LCLAT1: variants seen among roughly 807,000 people sequenced by gnomAD.
LCLAT1 encodes the protein lysocardiolipin acyltransferase 1, also known as 1-AGP acyltransferase 8.
LCLAT1 carries 11 observed loss-of-function variants against 30.7 expected under a neutral mutation model. The observed-to-expected ratio is 0.36, with a 90% CI of 0.23 to 0.59. The LOEUF is 0.59. Among genes scored for constraint, LCLAT1 ranks in the 20% least tolerant of loss-of-function variants. LCLAT1 has a pLI of 0.77. For synonymous variants in LCLAT1, 155 were observed against 151.3 expected (o/e 1.02, Z -0.18); for missense variants, 402 against 458.6 (o/e 0.88, Z 1.13).
intron 1 of LCLAT1, among the ~76,000 whole-genome samples, chr2:30,474,683 C>CT (rs1340960960): frequency 3.8e-4 from 57 of 148,546 alleles, no homozygotes; most frequent in African/African-American, 1.4e-3. Flanking sequence ...GGGCCTCACT[C>CT]TATCACCCAG....
At chr2:30,580,231 G>A (rs1313204356) in intron 5 of LCLAT1, among the ~76,000 whole-genome samples, 2 of 152,114 alleles carry the variant, frequency 1.3e-5, no homozygotes, top group African/African-American at 2.4e-5. Flanking sequence ...GTAAATGGTC[G>A]TAATTTTATA....
chr2:30,626,661 A>G (rs1419865602), intron 5 of LCLAT1, among the ~76,000 whole-genome samples: 1 of 151,302 alleles, frequency 6.6e-6, no homozygotes, highest in Non-Finnish European at 1.5e-5. Flanking sequence ...ATCTTTAGTA[A>G]TTTTCTCTTT....
At chr2:30,593,734 C>A (rs1328329710) in intron 5 of LCLAT1, among the ~76,000 whole-genome samples, 1 of 151,868 alleles carries the variant, frequency 6.6e-6, no homozygotes, top group Non-Finnish European at 1.5e-5. Flanking sequence ...TCTAATTAAT[C>A]CATTTAAAGA....
At chr2:30,635,398 C>G (rs1668974732) in intron 5 of LCLAT1, among the ~76,000 whole-genome samples, 1 of 152,104 alleles carries the variant, frequency 6.6e-6, no homozygotes, top group African/African-American at 2.4e-5. Context: ...CAGCACTGCT[C>G]AAGGAAATGA....
At chr2:30,619,529 C>G (rs905781601) in intron 5 of LCLAT1, among the ~76,000 whole-genome samples, 4 of 152,170 alleles carry the variant, frequency 2.6e-5, no homozygotes, top group African/African-American at 2.4e-5. Flanking sequence ...AAAAAAGATA[C>G]TTTACTCATG....
intron 3 of LCLAT1, among the ~76,000 whole-genome samples, chr2:30,537,102 C>A (rs1423503816): frequency 3.9e-5 from 6 of 152,184 alleles, no homozygotes; most frequent in Non-Finnish European, 7.3e-5. Context: ...TTCAAGTTGG[C>A]CGGGCGCGGT....
chr2:30,625,132 A>G (rs191189883), intron 5 of LCLAT1, among the ~76,000 whole-genome samples: 4 of 152,316 alleles, frequency 2.6e-5, no homozygotes, highest in East Asian at 1.9e-4. Flanking sequence ...TTAAATGCCT[A>G]TATCAAAAAG....
chr2:30,585,419 T>C (rs1666390707), intron 5 of LCLAT1, among the ~76,000 whole-genome samples: 1 of 152,162 alleles, frequency 6.6e-6, no homozygotes, highest in Non-Finnish European at 1.5e-5. Flanking sequence ...AGCACCTGGC[T>C]CAGTCTTCCA....
At position 30,642,337 on chromosome 2, in the gene LCLAT1, C is replaced by G. The variant is rs1433912320; in HGVS notation, c.*1718C>G. The G allele has an allele frequency of 6.6e-6, 1 of 152,108 alleles. No homozygotes were observed. The highest frequency in any genetic ancestry group is 6.6e-5 in the Admixed American group (1 of 15,258). The allele number at this position is 152,108 out of a possible 1,614,324, so 9.4% of individuals were successfully genotyped here. ...GGAGCAACTAACTAGTTATTATGCACATCTGCTCCAGACCCAGCTCTTTAA... is the reference window on the plus strand; with the variant it reads ...GGAGCAACTAACTAGTTATTATGCAGATCTGCTCCAGACCCAGCTCTTTAA... On this transcript the variant is annotated 3_prime_UTR_variant, in exon 6 of 6. Coordinates refer to ENST00000379509, the MANE Select transcript of LCLAT1 (RefSeq NM_001002257.3).
At chr2:30,449,570 G>A (rs1333575414) in intron 1 of LCLAT1, among the ~76,000 whole-genome samples, 1 of 150,796 alleles carries the variant, frequency 6.6e-6, no homozygotes, top group Non-Finnish European at 1.5e-5. Flanking sequence ...GCACGATCTC[G>A]GCTCACCACA....
At chr2:30,600,901 C>G (rs1035557154) in intron 5 of LCLAT1, among the ~76,000 whole-genome samples, 2 of 152,150 alleles carry the variant, frequency 1.3e-5, no homozygotes, top group Admixed American at 6.6e-5. Context: ...TCCATTCTCC[C>G]TGTCTCTTTC....
intron 5 of LCLAT1, among the ~76,000 whole-genome samples, chr2:30,623,475 A>C (rs1042692193): frequency 6.6e-6 from 1 of 152,184 alleles, no homozygotes; most frequent in African/African-American, 2.4e-5. Flanking sequence ...TACACTGGAA[A>C]GTCTCAGCAA....
chr2:30,455,189 T>TA (rs1410127824), intron 1 of LCLAT1, among the ~76,000 whole-genome samples: 2 of 152,188 alleles, frequency 1.3e-5, no homozygotes, highest in African/African-American at 4.8e-5. Context: ...TTAGGAGTGT[T>TA]ACGTTCTCAT....
At chr2:30,572,631 T>C (rs1665832037) in intron 5 of LCLAT1, among the ~76,000 whole-genome samples, 1 of 152,192 alleles carries the variant, frequency 6.6e-6, no homozygotes, top group Non-Finnish European at 1.5e-5. Context: ...TCAAGTCTTT[T>C]TGATTCCAGT....
chr2:30,471,066 C>G (rs998108791), intron 1 of LCLAT1, among the ~76,000 whole-genome samples: 1 of 151,234 alleles, frequency 6.6e-6, no homozygotes, highest in Non-Finnish European at 1.5e-5. Context: ...GCGCCCACCA[C>G]CACGCCTGGC....
chr2:30,515,919 G>A (rs769561943), intron 1 of LCLAT1, among the ~76,000 whole-genome samples: 4 of 152,136 alleles, frequency 2.6e-5, no homozygotes, highest in Admixed American at 2.0e-4. Context: ...GTTTTGGTGT[G>A]CTATACATTA....
At chr2:30,602,115 A>C (rs1667221144) in intron 5 of LCLAT1, among the ~76,000 whole-genome samples, 1 of 152,108 alleles carries the variant, frequency 6.6e-6, no homozygotes, top group Admixed American at 6.6e-5. Flanking sequence ...GGCAGGCAAT[A>C]GTTAGATTTA....
rs540051049 is a variant in LCLAT1 at position 30,545,857 on chromosome 2, A to G, written c.364+12543A>G. Among the ~76,000 whole-genome samples, 27 of 152,298 alleles carry G rather than the reference A, an allele frequency of 1.8e-4. No individual in the cohort carries two copies. In the South Asian group the frequency reaches 5.6e-3, roughly 32 times the overall value. Reference sequence around the variant, plus strand: ...GGCTTCTTGGTTTCTCTGGATCATTAATCACTGTAGAGTGAGAAAAGAGTT... The same window carrying G: ...GGCTTCTTGGTTTCTCTGGATCATTGATCACTGTAGAGTGAGAAAAGAGTT... On this transcript the variant is annotated intron_variant, in intron 3 of 5. Coordinates refer to ENST00000379509, the MANE Select transcript of LCLAT1 (RefSeq NM_001002257.3).
At chr2:30,537,321 C>T (rs1259084763) in intron 3 of LCLAT1, among the ~76,000 whole-genome samples, 1 of 150,610 alleles carries the variant, frequency 6.6e-6, no homozygotes, top group Non-Finnish European at 1.5e-5. Flanking sequence ...GCGGAGCTTG[C>T]AGTGAGCCGA....
Sources: allele counts gnomAD v4.1 joint callset (sites outside exome capture counted in the v4.1 genomes callset), GRCh38; gene constraint gnomAD v4.1.1; transcripts MANE v1.5; gene names NCBI Gene and HGNC (gene_info 2026-07-23, HGNC 2026-07-21).